The following SOX5 variants were observed in gnomAD, a reference collection of about 807,000 sequenced individuals.
SOX5 encodes the protein transcription factor SOX-5.
Under a neutral mutation model 92.0 loss-of-function variants are expected in SOX5, and 9 were observed. The observed-to-expected ratio is 0.10, with a 90% CI of 0.06 to 0.17. The LOEUF is 0.17. Ranked by LOEUF, SOX5 falls within the 10% of genes least tolerant of loss-of-function variation. SOX5 has a pLI of 1.00. For missense variants in SOX5, 642 were observed against 944.5 expected, an observed-to-expected ratio of 0.68 and a Z score of 4.20; for synonymous variants, 344 against 336.3, an observed-to-expected ratio of 1.02 and a Z score of -0.25.
At chr12:23,684,428 T>G (rs1016659374) in intron 6 of SOX5, among the ~76,000 whole-genome samples, 1 of 152,042 alleles carries the variant, frequency 6.6e-6, no homozygotes, top group African/African-American at 2.4e-5. Context: ...AGGCAGCTAC[T>G]AGATCTGCTG....
chr12:24,079,165 G>T (rs965624097), intron 4 of SOX5, among the ~76,000 whole-genome samples: 5 of 151,402 alleles, frequency 3.3e-5, no homozygotes, highest in Admixed American at 6.6e-5. Flanking sequence ...AAAAAGTAGG[G>T]TGGATAGAAA....
chr12:23,582,309 A>G, intron 9 of SOX5: 1 of 983,882 alleles, frequency 1.0e-6, no homozygotes, highest in Non-Finnish European at 1.2e-6. Flanking sequence ...AAAACAAACA[A>G]GTATCATGAG....
intron 4 of SOX5, among the ~76,000 whole-genome samples, chr12:24,026,198 G>T (rs1321097727): frequency 6.6e-6 from 1 of 152,026 alleles, no homozygotes; most frequent in Non-Finnish European, 1.5e-5. Context: ...TTTTGACGGG[G>T]TAACCACGGG....
intron 3 of SOX5, among the ~76,000 whole-genome samples, chr12:24,270,717 C>G (rs1045564883): frequency 3.3e-5 from 5 of 152,160 alleles, no homozygotes; most frequent in African/African-American, 1.2e-4. Context: ...GGCTTTTACA[C>G]TAGTATTTCT....
At chr12:23,761,331 C>A (rs1457086837) in intron 3 of SOX5, among the ~76,000 whole-genome samples, 2 of 152,100 alleles carry the variant, frequency 1.3e-5, no homozygotes, top group Non-Finnish European at 2.9e-5. Context: ...GATTGTCATG[C>A]AAATCTAATT....
At chr12:24,441,491 T>C (rs899848393) in intron 1 of SOX5, among the ~76,000 whole-genome samples, 1 of 152,250 alleles carries the variant, frequency 6.6e-6, no homozygotes, top group Non-Finnish European at 1.5e-5. Context: ...GATGTGTTTT[T>C]ACTATTGCAT....
chr12:23,703,016 G>T (rs554183215), intron 6 of SOX5, among the ~76,000 whole-genome samples: 4 of 151,964 alleles, frequency 2.6e-5, no homozygotes, highest in Non-Finnish European at 5.9e-5. Context: ...AACAAGATGG[G>T]CCCATATTAA....
intron 6 of SOX5, among the ~76,000 whole-genome samples, chr12:23,719,644 C>T (rs1433902242): frequency 2.0e-5 from 3 of 151,834 alleles, no homozygotes; most frequent in South Asian, 4.2e-4. Flanking sequence ...GTGGTCCTAG[C>T]CACTCAGGAG....
At chr12:24,308,716 CA>C in intron 2 of SOX5, among the ~76,000 whole-genome samples, 1 of 152,136 alleles carries the variant, frequency 6.6e-6, no homozygotes, top group Non-Finnish European at 1.5e-5. Context: ...AAAAAGTACA[CA>C]AAAAACTTCC....
At chr12:24,110,197 T>C (rs1947154805) in intron 4 of SOX5, among the ~76,000 whole-genome samples, 1 of 152,190 alleles carries the variant, frequency 6.6e-6, no homozygotes, top group African/African-American at 2.4e-5. Flanking sequence ...TCAACTATCT[T>C]GCACCATTCT....
rs557579194 is a variant in SOX5, at chr12:24,117,663, C to A, written c.-2+95680G>T. Among the ~76,000 whole-genome samples, 6 of 152,210 alleles carry A rather than the reference C, an allele frequency of 3.9e-5. No homozygotes were observed. The South Asian group carries it at 1.2e-3, about 32-fold the overall frequency. The stretch of plus-strand genomic sequence containing the variant: ...GAATAGAAGGAAATTCTGTCATTCA[C>A]GACCACATGAATGGAACTGGAGGAT... On this transcript the variant is annotated intron_variant, in intron 4 of 4. Coordinates refer to the SOX5 transcript ENST00000446891.
At chr12:24,555,431 T>C (rs897018964) in intron 1 of SOX5, among the ~76,000 whole-genome samples, 1 of 152,258 alleles carries the variant, frequency 6.6e-6, no homozygotes, top group East Asian at 1.9e-4. Flanking sequence ...AGATGTTTGC[T>C]TGCATAAACA....
At chr12:23,646,936 G>A (rs1171720585) in intron 7 of SOX5, among the ~76,000 whole-genome samples, 5 of 152,088 alleles carry the variant, frequency 3.3e-5, no homozygotes, top group Non-Finnish European at 5.9e-5. Context: ...GTTAATGTTG[G>A]TATTTTGACC....
At chr12:23,658,907 T>C (rs1566780573) in intron 7 of SOX5, among the ~76,000 whole-genome samples, 1 of 151,924 alleles carries the variant, frequency 6.6e-6, no homozygotes, top group Non-Finnish European at 1.5e-5. Context: ...AAATAAAAAA[T>C]AAAAACAAAC....
intron 3 of SOX5, among the ~76,000 whole-genome samples, chr12:23,836,094 T>C (rs2096409959): frequency 6.6e-6 from 1 of 151,860 alleles, no homozygotes; most frequent in African/African-American, 2.4e-5. Context: ...TATATTTTAA[T>C]GCATTTCCCT....
chr12:24,024,785 T>C (rs1335974332), intron 4 of SOX5, among the ~76,000 whole-genome samples: 2 of 152,014 alleles, frequency 1.3e-5, no homozygotes, highest in Admixed American at 1.3e-4. Flanking sequence ...AATCTGTAAC[T>C]CTGAGTACTC....
intron 3 of SOX5, among the ~76,000 whole-genome samples, chr12:23,796,988 T>A (rs1329356356): frequency 6.7e-6 from 1 of 149,864 alleles, no homozygotes; most frequent in Non-Finnish European, 1.5e-5. Flanking sequence ...ATTTAAACAT[T>A]TAAGGGGGAA....
At chr12:23,790,954 G>A (rs1456732392) in intron 3 of SOX5, among the ~76,000 whole-genome samples, 1 of 152,138 alleles carries the variant, frequency 6.6e-6, no homozygotes, top group Non-Finnish European at 1.5e-5. Flanking sequence ...TGGCAAATTG[G>A]CATTTCAACT....
intron 3 of SOX5, among the ~76,000 whole-genome samples, chr12:24,272,440 T>C (rs1422880637): frequency 6.6e-6 from 1 of 152,224 alleles, no homozygotes; most frequent in Non-Finnish European, 1.5e-5. Flanking sequence ...CAAATATCCT[T>C]GTCTTGTTCT....
Sources: gnomAD v4.1 joint callset for allele counts (sites outside exome capture counted in the v4.1 genomes callset) on GRCh38, gnomAD v4.1.1 for gene constraint, MANE v1.5 for transcripts, NCBI Gene and HGNC (gene_info 2026-07-23, HGNC 2026-07-21) for gene names.